Variants in ANKRD36B observed in about 807,000 individuals in gnomAD.
ANKRD36B encodes ankyrin repeat domain-containing protein 36B.
ANKRD36B carries 37 observed loss-of-function variants against 135.7 expected under a neutral mutation model. The ratio of observed to expected loss-of-function variants is 0.27; its 90% CI spans 0.21 to 0.36. ANKRD36B has a LOEUF of 0.36. ANKRD36B is among the 10% of genes least tolerant of loss of function. The pLI, the probability that ANKRD36B is intolerant of heterozygous loss-of-function variation, is 1.00. For missense variants in ANKRD36B, 549 were observed against 1,037.1 expected (o/e 0.53, Z 6.46); for synonymous variants, 179 against 348.1 (o/e 0.51, Z 5.41).
At chr2:97,570,200 T>C (rs1287455987) in intron 6 of ANKRD36B, among the ~76,000 whole-genome samples, 1 of 152,180 alleles carries the variant, frequency 6.6e-6, no homozygotes, top group African/African-American at 2.4e-5. Flanking sequence ...TCATATTAAG[T>C]TGCAACTGAC....
At chr2:97,556,816 A>C (rs1213189219) in intron 12 of ANKRD36B, 121 bp downstream of exon 12, 1 of 1,450,634 alleles carries the variant, frequency 6.9e-7, no homozygotes, top group African/African-American at 1.4e-5. Context: ...AGAAATGCAC[A>C]ATCTCAGGCC....
chr2:97,528,589 C>T (rs2078363928), intron 35 of ANKRD36B, among the ~76,000 whole-genome samples: 1 of 93,916 alleles, frequency 1.1e-5, no homozygotes, highest in African/African-American at 3.2e-5. Flanking sequence ...CACAAAAAAC[C>T]CTTCAAAAAA....
chr2:97,534,337 G>C lies in ANKRD36B; in HGVS notation c.2192-1953C>G, dbSNP rs1429591314. ...TAGTAAAATCAGTCAAAGTTTCTTA[G>C]TTCAAATAAATTTCATTTGATTAAC... On this transcript the variant is annotated intron_variant, in intron 34 of 43. Coordinates refer to ENST00000359901, the MANE Select transcript of ANKRD36B (RefSeq NM_001393939.1). 4.7e-4 allele frequency among the ~76,000 whole-genome samples: 45 copies of C among 95,422 alleles called. 15 individuals are homozygous for C. Among genetic ancestry groups the C allele is most frequent in the African/African-American group, 1.3e-3 (43 of 31,944 alleles). The allele number at this position is 95,422 out of a possible 152,430, so 62.6% of individuals were successfully genotyped here.
In ANKRD36B at chr2:97,508,981, A is replaced by C. The variant is rs1380519943; in HGVS notation, c.3873+600T>G. Reference sequence around the variant, plus strand: ...ATGTTGGCAAATGCTAACTGTCCATATTCATATAGAGACAGAGTGTGCTCT... The same window carrying C: ...ATGTTGGCAAATGCTAACTGTCCATCTTCATATAGAGACAGAGTGTGCTCT... On this transcript the variant is annotated intron_variant, in intron 40 of 43. Transcript: ENST00000359901. 2.8e-5 allele frequency among the ~76,000 whole-genome samples: 3 copies of C among 107,468 alleles called. 1 individual carries two copies. Among genetic ancestry groups the C allele is most frequent in the Non-Finnish European group, 8.0e-5 (3 of 37,664 alleles). 70.5% of individuals were successfully genotyped at this position (107,468 alleles called of 152,430 possible). A position where few individuals can be genotyped will look rare whatever the true frequency, so the allele number is the denominator to read the frequency against.
At chr2:97,540,819 G>C (rs1355594761) in intron 28 of ANKRD36B, among the ~76,000 whole-genome samples, 1 of 96,152 alleles carries the variant, frequency 1.0e-5, no homozygotes, top group South Asian at 2.4e-4. Flanking sequence ...AACCCACGTG[G>C]TGTAATAATT....
At chr2:97,567,342 T>C (rs1218752559) in intron 6 of ANKRD36B, among the ~76,000 whole-genome samples, 4 of 149,974 alleles carry the variant, frequency 2.7e-5, no homozygotes, top group Admixed American at 6.6e-5. Context: ...TACATAGGCA[T>C]GACTGATTAA....
At chr2:97,546,988 T>C (rs1292519131) in intron 22 of ANKRD36B, among the ~76,000 whole-genome samples, 1 of 151,620 alleles carries the variant, frequency 6.6e-6, no homozygotes, top group African/African-American at 2.4e-5. Flanking sequence ...ATATTCCAAA[T>C]GCATCTGAAG....
At chr2:97,565,889 G>GTGTGTA (rs780792422) in intron 6 of ANKRD36B, among the ~76,000 whole-genome samples, 1 of 146,180 alleles carries the variant, frequency 6.8e-6, no homozygotes, top group African/African-American at 2.6e-5. Context: ...GTGTGTGTGT[G>GTGTGTA]TATATATATA....
chr2:97,494,147 C>A (rs1215824875), intron 43 of ANKRD36B, among the ~76,000 whole-genome samples: 1 of 105,312 alleles, frequency 9.5e-6, no homozygotes, highest in Non-Finnish European at 2.6e-5. Flanking sequence ...GTACTAATTT[C>A]TGTGTTAGCA....
chr2:97,526,385 A>G (rs2078210135), intron 35 of ANKRD36B, among the ~76,000 whole-genome samples: 1 of 97,474 alleles, frequency 1.0e-5, no homozygotes, highest in African/African-American at 3.1e-5. Flanking sequence ...AAGGACATCC[A>G]CACCAAAAAC....
intron 6 of ANKRD36B, among the ~76,000 whole-genome samples, chr2:97,565,086 C>A (rs950306257): frequency 5.9e-5 from 9 of 151,866 alleles, no homozygotes; most frequent in African/African-American, 2.2e-4. Context: ...TCCTTCAAAT[C>A]CCTTGTGAGT....
At chr2:97,531,128 T>G (rs1451285878) in intron 35 of ANKRD36B, among the ~76,000 whole-genome samples, 1 of 92,050 alleles carries the variant, frequency 1.1e-5, no homozygotes, top group Non-Finnish European at 2.9e-5. Flanking sequence ...GTGGCACTAT[T>G]CACAATAGCA....
At chr2:97,554,924 A>C in intron 14 of ANKRD36B, 136 bp downstream of exon 14, 1 of 1,173,000 alleles carries the variant, frequency 8.5e-7, no homozygotes, top group Non-Finnish European at 1.2e-6. Context: ...CCGAGAACTT[A>C]TTACAGATGA....
rs2079600599 is a variant in ANKRD36B at position 97,547,651 on chromosome 2, T to C, written c.1507-43A>G. The C allele has an allele frequency of 4.5e-6, 7 of 1,553,794 alleles. No individual in the cohort carries two copies. The African/African-American group carries it at 6.9e-5, about 15-fold the overall frequency. ...TGAAATAATAAATTAATAAAGTATG[T>C]TTCATAGACTATACATTTACTAGTT... On this transcript the variant is annotated intron_variant, in intron 21 of 43. Coordinates refer to ENST00000359901, the MANE Select transcript of ANKRD36B (RefSeq NM_001393939.1).
At position 97,547,622 on chromosome 2, in the gene ANKRD36B, G is replaced by C. The variant is rs1422221424; in HGVS notation, c.1507-14C>G. 6 of 1,564,774 alleles carry C rather than the reference G, an allele frequency of 3.8e-6. No homozygotes were observed. The highest frequency in any genetic ancestry group is 4.3e-6 in the Non-Finnish European group (5 of 1,149,914). ...GTCTCTTGTAGCCTGAATGGAATTT[G>C]AAATGAAATAATAAATTAATAAAGT... On this transcript the variant is annotated splice_polypyrimidine_tract_variant and intron_variant, in intron 21 of 43. Coordinates refer to ENST00000359901, the MANE Select transcript of ANKRD36B (RefSeq NM_001393939.1).
intron 1 of ANKRD36B, among the ~76,000 whole-genome samples, chr2:97,588,020 T>G (rs1301383952): frequency 6.6e-6 from 1 of 151,486 alleles, no homozygotes; most frequent in Non-Finnish European, 1.5e-5. Context: ...TGTCTTTTGT[T>G]AATTTTTTCT....
At chr2:97,574,093 G>C (rs912161952) in intron 6 of ANKRD36B, among the ~76,000 whole-genome samples, 1 of 152,176 alleles carries the variant, frequency 6.6e-6, no homozygotes, top group Non-Finnish European at 1.5e-5. Context: ...CCATCAGAGT[G>C]AACAGGCAAC....
chr2:97,525,004 A>G (rs1254155594), intron 35 of ANKRD36B: 1 of 97,640 alleles, frequency 1.0e-5, no homozygotes, highest in Non-Finnish European at 2.7e-5. Context: ...AAATAACTCT[A>G]TCTTTAAATA....
chr2:97,562,188 G>A (rs2104788278), intron 6 of ANKRD36B, among the ~76,000 whole-genome samples: 1 of 150,762 alleles, frequency 6.6e-6, no homozygotes, highest in East Asian at 1.9e-4. Context: ...ACTAAACAAA[G>A]TTTCTAAATC....
Sources: allele counts gnomAD v4.1 joint callset (sites outside exome capture counted in the v4.1 genomes callset), GRCh38; gene constraint gnomAD v4.1.1; transcripts MANE v1.5; gene names NCBI Gene and HGNC (gene_info 2026-07-23, HGNC 2026-07-21).